Variants in RASAL2 observed in about 807,000 individuals in gnomAD.
RASAL2 encodes ras GTPase-activating protein nGAP.
RASAL2 carries 58 observed loss-of-function variants against 128.9 expected under a neutral mutation model. The ratio of observed to expected loss-of-function variants is 0.45; its 90% CI spans 0.36 to 0.56. The LOEUF (loss-of-function observed/expected upper bound fraction) is 0.56, where lower values mean the gene tolerates loss of function less well. RASAL2 is among the 20% of genes least tolerant of loss of function. RASAL2 has a pLI of 0.00. For synonymous variants in RASAL2, 561 were observed against 580.8 expected (o/e 0.97, Z 0.49); for missense variants, 1,360 against 1,601.6 (o/e 0.85, Z 2.57).
At chr1:178,381,478 A>G (rs1672283714) in intron 3 of RASAL2, among the ~76,000 whole-genome samples, 1 of 151,738 alleles carries the variant, frequency 6.6e-6, no homozygotes, top group African/African-American at 2.4e-5. Context: ...TACCTTCACT[A>G]ATGGGTGATG....
rs78438472 is a variant in RASAL2 at position 178,310,154 on chromosome 1, A to G, written c.457+10036A>G. Among the ~76,000 whole-genome samples the G allele has an allele frequency of 5.1e-3, 779 of 152,360 alleles. 15 individuals are homozygous for G. Among genetic ancestry groups the G allele is most frequent in the African/African-American group, 0.018 (746 of 41,584 alleles). ...TATTTTCAAGATGCTAGAATCTTCT[A>G]TAAAACTACTGGATGATAATAGCAT... On this transcript the variant is annotated intron_variant, in intron 3 of 17. Coordinates refer to ENST00000367649, the MANE Select transcript of RASAL2 (RefSeq NM_170692.4).
chr1:178,391,192 A>G (rs1291496274), intron 4 of RASAL2, among the ~76,000 whole-genome samples: 1 of 152,194 alleles, frequency 6.6e-6, no homozygotes. Context: ...GGGAGGATTA[A>G]TTAGACCTTA....
At chr1:178,327,910 A>G (rs1311179784) in intron 3 of RASAL2, among the ~76,000 whole-genome samples, 1 of 152,142 alleles carries the variant, frequency 6.6e-6, no homozygotes, top group African/African-American at 2.4e-5. Flanking sequence ...GTGAAGACAG[A>G]GACAATGATT....
intron 3 of RASAL2, among the ~76,000 whole-genome samples, chr1:178,374,055 T>G (rs984008137): frequency 1.3e-5 from 2 of 152,144 alleles, no homozygotes; most frequent in African/African-American, 4.8e-5. Flanking sequence ...TATCCCATGC[T>G]CTGCTGTGGC....
intron 1 of RASAL2, among the ~76,000 whole-genome samples, chr1:178,207,231 A>G (rs1303804344): frequency 1.3e-5 from 2 of 152,090 alleles, no homozygotes; most frequent in African/African-American, 2.4e-5. Context: ...AAAGAAAAAC[A>G]TTCTGACCTT....
chr1:178,390,198 A>C lies in RASAL2; in HGVS notation c.556A>C (p.Lys186Gln). The C allele has an allele frequency of 6.2e-7, 1 of 1,603,000 alleles. No homozygotes were observed. Among genetic ancestry groups the C allele is most frequent in the Non-Finnish European group, 8.5e-7 (1 of 1,170,826 alleles). Reference sequence around the variant, plus strand: ...GGACACTGCAAATACCTCACCCTTCAAAGTACCAGTAAGTGTTTATCTTCT... The same window carrying C: ...GGACACTGCAAATACCTCACCCTTCCAAGTACCAGTAAGTGTTTATCTTCT... Reference protein sequence around the residue: ...SMDTANTSPFKVPGFFSKRLK... With the variant: ...SMDTANTSPFQVPGFFSKRLK... Residue 186 changes from lysine to glutamine, a missense_variant, in exon 4 of 18, where the codon AAA becomes CAA. By Grantham distance (53) the Lys-to-Gln change is moderately conservative. Coordinates refer to ENST00000367649, the MANE Select transcript of RASAL2 (RefSeq NM_170692.4).
chr1:178,402,161 A>G (rs1673668233), intron 4 of RASAL2, among the ~76,000 whole-genome samples: 1 of 152,196 alleles, frequency 6.6e-6, no homozygotes, highest in African/African-American at 2.4e-5. Flanking sequence ...CACGCCTGTA[A>G]TCCCAGCACT....
At position 178,245,219 on chromosome 1, in the gene RASAL2, C is replaced by T. The variant is rs1348149069; in HGVS notation, c.203-38345C>T. On this transcript the variant is annotated intron_variant, in intron 1 of 17. Coordinates refer to ENST00000367649, the MANE Select transcript of RASAL2 (RefSeq NM_170692.4). ...CAGTGTAAAAGCGTTCCTATTTCTC[C>T]GCATCCTCGCCAGCATCTGTTGTTT... Among the ~76,000 whole-genome samples, 7 of 152,174 alleles carry T rather than the reference C, an allele frequency of 4.6e-5. No homozygotes were observed. In the East Asian group the frequency reaches 7.7e-4, roughly 17 times the overall value.
At chr1:178,099,297 C>G (rs1014515226) in intron 1 of RASAL2, among the ~76,000 whole-genome samples, 4 of 152,134 alleles carry the variant, frequency 2.6e-5, no homozygotes, top group African/African-American at 9.7e-5. Flanking sequence ...GTGGCATAGG[C>G]TTGTTGATGT....
At chr1:178,312,900 C>T (rs1371646557) in intron 3 of RASAL2, among the ~76,000 whole-genome samples, 1 of 152,138 alleles carries the variant, frequency 6.6e-6, no homozygotes, top group African/African-American at 2.4e-5. Flanking sequence ...ATATTGGGCA[C>T]TTTACATATA....
chr1:178,245,914 T>C (rs1211003132), intron 1 of RASAL2, among the ~76,000 whole-genome samples: 1 of 152,194 alleles, frequency 6.6e-6, no homozygotes, highest in East Asian at 1.9e-4. Flanking sequence ...TCTGTTCTGT[T>C]GCATTGGACT....
Position 178,390,187 on chromosome 1 carries a change from C to T in RASAL2, c.545C>T (p.Thr182Ile). ...CCCAACTCCATGGACACTGCAAATA[C>T]CTCACCCTTCAAAGTACCAGTAAGT... is the stretch of plus-strand genomic sequence containing the variant. ...EKPNSMDTAN[T>I]SPFKVPGFFS... Residue 182 changes from threonine (T) to isoleucine (I), a missense_variant, in exon 4 of 18, where the codon ACC becomes ATC. Around this residue, in one of 3 missense-constraint regions of RASAL2, gnomAD observed 617 missense variants for 714.2 expected, o/e 0.86. Transcript: ENST00000367649. 6.2e-7 allele frequency: 1 copy of T among 1,608,394 alleles called. No homozygotes were observed. The highest frequency in any genetic ancestry group is 8.5e-7 in the Non-Finnish European group (1 of 1,175,682).
At chr1:178,260,034 G>A (rs762590960) in intron 1 of RASAL2, among the ~76,000 whole-genome samples, 2 of 151,768 alleles carry the variant, frequency 1.3e-5, no homozygotes, top group Non-Finnish European at 2.9e-5. Flanking sequence ...TTTTGCCTTC[G>A]TCACAGATGT....
chr1:178,365,538 C>G (rs1671353365), intron 3 of RASAL2, among the ~76,000 whole-genome samples: 1 of 152,130 alleles, frequency 6.6e-6, no homozygotes, highest in Non-Finnish European at 1.5e-5. Flanking sequence ...GTGACATGAT[C>G]TAGGCTCACT....
chr1:178,162,340 TTA>T (rs1165579815), intron 1 of RASAL2, among the ~76,000 whole-genome samples: 4 of 129,052 alleles, frequency 3.1e-5, no homozygotes, highest in Non-Finnish European at 6.3e-5. Context: ...ATAATATATA[TTA>T]TGTGTATATA....
intron 3 of RASAL2, among the ~76,000 whole-genome samples, chr1:178,369,948 C>A (rs561983249): frequency 2.0e-4 from 31 of 152,146 alleles, no homozygotes; most frequent in Middle Eastern, 3.4e-3. Context: ...GCCATTAGTT[C>A]TACTTTAAGA....
intron 1 of RASAL2, among the ~76,000 whole-genome samples, chr1:178,247,346 T>A (rs200019639): frequency 0.27 from 40,725 of 151,832 alleles, 6,282 homozygotes; most frequent in African/African-American, 0.44. Context: ...TTTCCGTTTT[T>A]TTTGCATACA....
chr1:178,165,996 A>C (rs1388475191), intron 1 of RASAL2, among the ~76,000 whole-genome samples: 1 of 152,092 alleles, frequency 6.6e-6, no homozygotes, highest in Admixed American at 6.6e-5. Context: ...ATGTGCACAT[A>C]CATACTCACC....
chr1:178,285,838 A>C (rs1422666415), intron 2 of RASAL2, among the ~76,000 whole-genome samples: 1 of 152,190 alleles, frequency 6.6e-6, no homozygotes, highest in Non-Finnish European at 1.5e-5. Flanking sequence ...GTAAGAGATG[A>C]AATAGCTTTA....
Sources: allele counts gnomAD v4.1 joint callset (sites outside exome capture counted in the v4.1 genomes callset), GRCh38; gene constraint gnomAD v4.1.1; regional missense constraint gnomAD v4.1.1; transcripts MANE v1.5; gene names NCBI Gene and HGNC (gene_info 2026-07-23, HGNC 2026-07-21).